SVIP: variants seen among roughly 807,000 people sequenced by gnomAD.
SVIP encodes the protein small VCP/p97-interacting protein.
A neutral mutation model predicts 12.9 loss-of-function variants in SVIP; 14 were observed. That is an observed-to-expected ratio of 1.08 (90% CI 0.72 to 1.70). SVIP has a LOEUF of 1.70. Ranked by LOEUF, SVIP falls within the 40% of genes most tolerant of loss-of-function variation. The probability of loss-of-function intolerance (pLI) is 0.00; values close to 1 mark genes in which losing one functional copy is unlikely to be tolerated. For synonymous variants in SVIP, 35 were observed against 33.3 expected (o/e 1.05, Z -0.17); for missense variants, 93 against 90.8 (o/e 1.02, Z -0.10).
rs910107236 is a variant in SVIP, at chr11:22,822,464, A to G, written c.*655T>C. On this transcript the variant is annotated 3_prime_UTR_variant, in exon 4 of 4. Transcript: ENST00000354193. Reference sequence around the variant, plus strand: ...TGCCCTCTGATGGTATCACTAATATATAATTTTAAATTCAGCAAACAAAAA... The same window carrying G: ...TGCCCTCTGATGGTATCACTAATATGTAATTTTAAATTCAGCAAACAAAAA... The G allele has an allele frequency of 6.6e-6, 1 of 152,188 alleles. No individual in the cohort carries two copies. The highest frequency in any genetic ancestry group is 1.5e-5 in the Non-Finnish European group (1 of 67,990). 9.4% of individuals were successfully genotyped at this position (152,188 alleles called of 1,614,324 possible).
At chr11:22,823,362 G>A (rs1213680770) in intron 3 of SVIP, among the ~76,000 whole-genome samples, 1 of 152,194 alleles carries the variant, frequency 6.6e-6, no homozygotes, top group African/African-American at 2.4e-5. Context: ...GTGGGTAGTT[G>A]CAGGATAGCT....
At chr11:22,828,628 C>G (rs1302716473) in intron 1 of SVIP, among the ~76,000 whole-genome samples, 1 of 151,892 alleles carries the variant, frequency 6.6e-6, no homozygotes, top group East Asian at 1.9e-4. Context: ...GTGTGGTTAT[C>G]AAGGGAAGAG....
At chr11:22,823,919 C>T (rs144179659) in intron 3 of SVIP, among the ~76,000 whole-genome samples, 28 of 152,206 alleles carry the variant, frequency 1.8e-4, no homozygotes, top group African/African-American at 5.5e-4. Flanking sequence ...GACAGGGTCT[C>T]GCTATGTTGC....
In SVIP at chr11:22,819,898, A is replaced by G. The variant is rs1404781675; in HGVS notation, c.*3221T>C. The G allele has an allele frequency of 6.6e-6, 1 of 152,254 alleles. No homozygotes were observed. The allele number at this position is 152,254 out of a possible 1,614,324, so 9.4% of individuals were successfully genotyped here. On this transcript the variant is annotated 3_prime_UTR_variant, in exon 4 of 4. Transcript: ENST00000354193. ...GCAATAGTTATCACATTCAAAGTCAATATTTGCAAGATGAAGCATAACTAG... is the reference window on the plus strand; with the variant it reads ...GCAATAGTTATCACATTCAAAGTCAGTATTTGCAAGATGAAGCATAACTAG...
Position 22,820,416 on chromosome 11 carries a change from T to C in SVIP, c.*2703A>G, listed in dbSNP as rs1430289523. 1 of 152,214 alleles carries C rather than the reference T, an allele frequency of 6.6e-6. No individual in the cohort carries two copies. Among genetic ancestry groups the C allele is most frequent in the East Asian group, 1.9e-4 (1 of 5,192 alleles). The allele number at this position is 152,214 out of a possible 1,614,324, so 9.4% of individuals were successfully genotyped here. On this transcript the variant is annotated 3_prime_UTR_variant, in exon 4 of 4. Transcript: ENST00000354193. The stretch of plus-strand genomic sequence containing the variant: ...AAACAGGATACTAATTACATCATTT[T>C]TCCTTTATAGAAAATCCACCTATAA...
At chr11:22,827,436 T>G in intron 2 of SVIP, 116 bp from the exon 3 acceptor site, 1 of 801,928 alleles carries the variant, frequency 1.2e-6, no homozygotes, top group Non-Finnish European at 2.1e-6. Context: ...GGAGTTGGTT[T>G]ATTTTTGGTA....
Position 22,823,110 on chromosome 11 carries a change from T to C in SVIP, c.*9A>G, listed in dbSNP as rs1162536077. On this transcript the variant is annotated 3_prime_UTR_variant, in exon 4 of 4. Coordinates refer to ENST00000354193, the MANE Select transcript of SVIP (RefSeq NM_148893.3). Reference sequence around the variant, plus strand: ...TATTGGCAGTAGATTCTTCTACTCATGTTATGCTTTATGAAACTGTCCACT... The same window carrying C: ...TATTGGCAGTAGATTCTTCTACTCACGTTATGCTTTATGAAACTGTCCACT... 1.9e-6 allele frequency: 3 copies of C among 1,588,186 alleles called. No individual in the cohort carries two copies. Among genetic ancestry groups the C allele is most frequent in the Admixed American group, 3.6e-5 (2 of 55,708 alleles).
intron 3 of SVIP, among the ~76,000 whole-genome samples, chr11:22,823,349 T>C (rs1353532675): frequency 6.6e-6 from 1 of 152,124 alleles, no homozygotes; most frequent in Non-Finnish European, 1.5e-5. Flanking sequence ...TCTGGTCAGA[T>C]TGGTGGGTAG....
chr11:22,829,743 C>A lies in SVIP; in HGVS notation c.6G>T (p.Gly2=), dbSNP rs377496190. 6 of 1,606,804 alleles carry A rather than the reference C, an allele frequency of 3.7e-6. No homozygotes were observed. Among genetic ancestry groups the A allele is most frequent in the South Asian group, 1.1e-5 (1 of 89,644 alleles). The change falls in exon 1 of 4, where the codon GGG becomes GGT. Residue 2 remains glycine (G), a synonymous_variant. Transcript: ENST00000354193. ...ACTCCCCGGGACAAGGAAAACACAG[C>A]CCCATAGGGACGACAGCTTGAGAAC... M[G]LCFPCPGESA...
chr11:22,822,120 CAT>C lies in SVIP; in HGVS notation c.*997_*998del, dbSNP rs1857508065. 1 of 152,124 alleles carries C rather than the reference CAT, an allele frequency of 6.6e-6. No individual in the cohort carries two copies. The highest frequency in any genetic ancestry group is 2.4e-5 in the African/African-American group (1 of 41,436). 9.4% of individuals were successfully genotyped at this position (152,124 alleles called of 1,614,324 possible). A position where few individuals can be genotyped will look rare whatever the true frequency, so the allele number is the denominator to read the frequency against. Reference sequence around the variant, plus strand: ...GAGAAACAAAAAATGCTATAAAATTCATGTTTCTAATGAACAAAAATGTTAAG... The same window carrying C: ...GAGAAACAAAAAATGCTATAAAATTCGTTTCTAATGAACAAAAATGTTAAG... On this transcript the variant is annotated 3_prime_UTR_variant, in exon 4 of 4. Coordinates refer to ENST00000354193, the MANE Select transcript of SVIP (RefSeq NM_148893.3).
In SVIP at chr11:22,819,159, T is replaced by A. The variant is rs557420970; in HGVS notation, c.*3960A>T. ...AGTTTTTGTGGAACCTCTGAGAATT[T>A]TCTACCTGAGACACTTGGTATTAAC... On this transcript the variant is annotated 3_prime_UTR_variant, in exon 4 of 4. Transcript: ENST00000354193. 1 of 152,206 alleles carries A rather than the reference T, an allele frequency of 6.6e-6. No individual in the cohort carries two copies. Among genetic ancestry groups the A allele is most frequent in the African/African-American group, 2.4e-5 (1 of 41,458 alleles). 9.4% of individuals were successfully genotyped at this position (152,206 alleles called of 1,614,324 possible).
chr11:22,823,276 T>A, intron 3 of SVIP, 143 bp from the exon 4 acceptor site: 1 of 600,096 alleles, frequency 1.7e-6, no homozygotes, highest in Non-Finnish European at 2.8e-6. Context: ...TTCATAAAAT[T>A]TTACATTATA....
chr11:22,824,473 CGTATATATATATGT>C (rs1857612064), intron 3 of SVIP, among the ~76,000 whole-genome samples: 1 of 140,944 alleles, frequency 7.1e-6, no homozygotes. Context: ...CATATATATA[CGTATATATATATGT>C]ATATATATAC....
At chr11:22,825,309 C>A (rs1456458191) in intron 3 of SVIP, among the ~76,000 whole-genome samples, 1 of 152,084 alleles carries the variant, frequency 6.6e-6, no homozygotes, top group Non-Finnish European at 1.5e-5. Context: ...CTTCTGTTAT[C>A]CCTGAGCCTT....
Position 22,821,478 on chromosome 11 carries a change from C to A in SVIP, c.*1641G>T, listed in dbSNP as rs888188717. ...TGATTCCCTGGAAGTAAGTCACTTA[C>A]ACCAACCCAAGTTCTAATTCTTTAA... is the stretch of plus-strand genomic sequence containing the variant. On this transcript the variant is annotated 3_prime_UTR_variant, in exon 4 of 4. Coordinates refer to ENST00000354193, the MANE Select transcript of SVIP (RefSeq NM_148893.3). 7.2e-5 allele frequency: 11 copies of A among 152,208 alleles called. No homozygotes were observed. In the East Asian group the frequency reaches 2.1e-3, roughly 29 times the overall value. The allele number at this position is 152,208 out of a possible 1,614,324, so 9.4% of individuals were successfully genotyped here. A position where few individuals can be genotyped will look rare whatever the true frequency, so the allele number is the denominator to read the frequency against.
In SVIP at chr11:22,819,385, T is replaced by G. The variant is rs1239227546; in HGVS notation, c.*3734A>C. 6.6e-6 allele frequency: 1 copy of G among 152,210 alleles called. No individual in the cohort carries two copies. The highest frequency in any genetic ancestry group is 1.5e-5 in the Non-Finnish European group (1 of 68,040). The allele number at this position is 152,210 out of a possible 1,614,324, so 9.4% of individuals were successfully genotyped here. A position where few individuals can be genotyped will look rare whatever the true frequency, so the allele number is the denominator to read the frequency against. ...CAAAACTAATTAGTTCCACTTGAGA[T>G]AAGTTAGAGGTACTTGCAAAGAATG... On this transcript the variant is annotated 3_prime_UTR_variant, in exon 4 of 4. Coordinates refer to ENST00000354193, the MANE Select transcript of SVIP (RefSeq NM_148893.3).
At chr11:22,829,286 A>T (rs1211845158) in intron 1 of SVIP, 1 of 171,050 alleles carries the variant, frequency 5.8e-6, no homozygotes, top group Non-Finnish European at 1.2e-5. Context: ...GACACAGTTG[A>T]AAACGCACAT....
chr11:22,824,129 A>G (rs983898210), intron 3 of SVIP, among the ~76,000 whole-genome samples: 5 of 152,200 alleles, frequency 3.3e-5, no homozygotes, highest in African/African-American at 1.2e-4. Flanking sequence ...TTCAGTAGCA[A>G]GAGCCTAAAT....
At position 22,822,295 on chromosome 11, in the gene SVIP, A is replaced by G. The variant is rs1242814844; in HGVS notation, c.*824T>C. On this transcript the variant is annotated 3_prime_UTR_variant, in exon 4 of 4. Transcript: ENST00000354193. The stretch of plus-strand genomic sequence containing the variant: ...GTATAAATCTTATGATCGTTCTCTA[A>G]TAAGTACACAAGATTAACACTACTT... The G allele has an allele frequency of 6.6e-6, 1 of 152,150 alleles. No homozygotes were observed. Among genetic ancestry groups the G allele is most frequent in the Non-Finnish European group, 1.5e-5 (1 of 67,996 alleles). 9.4% of individuals were successfully genotyped at this position (152,150 alleles called of 1,614,324 possible).
Sources: allele counts gnomAD v4.1 joint callset (sites outside exome capture counted in the v4.1 genomes callset), GRCh38; gene constraint gnomAD v4.1.1; transcripts MANE v1.5; gene names NCBI Gene and HGNC (gene_info 2026-07-23, HGNC 2026-07-21).